PSEN1: variants seen among roughly 807,000 people sequenced by gnomAD.
PSEN1 encodes the protein presenilin-1.
PSEN1 carries 15 observed loss-of-function variants against 53.5 expected under a neutral mutation model. The observed-to-expected ratio is 0.28, with a 90% CI of 0.19 to 0.43. The LOEUF (loss-of-function observed/expected upper bound fraction) is 0.43, where lower values mean the gene tolerates loss of function less well. Among genes scored for constraint, PSEN1 ranks in the 20% least tolerant of loss-of-function variants. PSEN1 has a pLI of 1.00. For missense variants in PSEN1, 387 were observed against 571.2 expected (o/e 0.68, Z 3.29); for synonymous variants, 208 against 209.8 (o/e 0.99, Z 0.08).
intron 3 of PSEN1, among the ~76,000 whole-genome samples, chr14:73,158,186 A>G (rs1317254769): frequency 6.6e-6 from 1 of 152,052 alleles, no homozygotes; most frequent in Non-Finnish European, 1.5e-5. Context: ...TCATGTACAG[A>G]TCTTTCTTTG....
At chr14:73,159,191 T>C (rs1427548016) in intron 3 of PSEN1, among the ~76,000 whole-genome samples, 1 of 151,962 alleles carries the variant, frequency 6.6e-6, no homozygotes, top group Non-Finnish European at 1.5e-5. Flanking sequence ...TTTTTTTTTT[T>C]TTTTTAAAGA....
intron 3 of PSEN1, among the ~76,000 whole-genome samples, chr14:73,157,005 GTCA>G (rs1329041223): frequency 6.6e-6 from 1 of 151,740 alleles, no homozygotes; most frequent in Non-Finnish European, 1.5e-5. Context: ...GCATGCTTAA[GTCA>G]TCATTCTCAT....
rs1595003266 is a variant in PSEN1, at chr14:73,173,985, A to G, written c.480+278A>G. On this transcript the variant is annotated intron_variant, in intron 5 of 11. Coordinates refer to ENST00000324501, the MANE Select transcript of PSEN1 (RefSeq NM_000021.4). The stretch of plus-strand genomic sequence containing the variant: ...GGCAACGTAGCAAGACCCTGCCTCT[A>G]TTAAAGAAAACAAAAAACAAATATT... 1.2e-5 allele frequency: 7 copies of G among 574,840 alleles called. 1 individual carries two copies. Among genetic ancestry groups the G allele is most frequent in the Non-Finnish European group, 6.2e-6 (2 of 324,806 alleles). 35.6% of individuals were successfully genotyped at this position (574,840 alleles called of 1,614,324 possible).
chr14:73,201,834 C>T (rs1337377760), intron 8 of PSEN1, among the ~76,000 whole-genome samples: 1 of 151,868 alleles, frequency 6.6e-6, no homozygotes, highest in Non-Finnish European at 1.5e-5. Context: ...GCAACCCCCG[C>T]CTCCCAAGTT....
At chr14:73,149,629 C>T (rs912319215) in intron 3 of PSEN1, among the ~76,000 whole-genome samples, 1 of 152,046 alleles carries the variant, frequency 6.6e-6, no homozygotes, top group Non-Finnish European at 1.5e-5. Flanking sequence ...GGGCAGTTGT[C>T]CAGGTTTGTT....
chr14:73,203,427 T>C (rs541594136), intron 8 of PSEN1, among the ~76,000 whole-genome samples: 14 of 152,282 alleles, frequency 9.2e-5, no homozygotes, highest in Admixed American at 5.9e-4. Context: ...AATTTTTTCT[T>C]ACATTTTTCT....
In PSEN1 at chr14:73,196,553, A is replaced by C. The variant is rs562411635; in HGVS notation, c.770-1478A>C. 2.9e-5 allele frequency among the ~76,000 whole-genome samples: 4 copies of C among 137,070 alleles called. No individual in the cohort carries two copies. In the South Asian group the frequency reaches 9.0e-4, roughly 31 times the overall value. The allele number at this position is 137,070 out of a possible 152,430, so 89.9% of individuals were successfully genotyped here. Reference sequence around the variant, plus strand: ...CAGTGGCGCCATCTTGGCTCACTGCAGCCTCCACCTCCAGGGCTCAAGCAA... The same window carrying C: ...CAGTGGCGCCATCTTGGCTCACTGCCGCCTCCACCTCCAGGGCTCAAGCAA... On this transcript the variant is annotated intron_variant, in intron 7 of 11. Transcript: ENST00000324501.
At chr14:73,186,024 A>G (rs776680562) in intron 5 of PSEN1, among the ~76,000 whole-genome samples, 3 of 152,208 alleles carry the variant, frequency 2.0e-5, no homozygotes, top group Non-Finnish European at 2.9e-5. Flanking sequence ...TTGTAACAAA[A>G]TGTTGGAAAA....
In PSEN1 at chr14:73,219,469, C is replaced by T. The variant is rs1211223300; in HGVS notation, c.*180C>T. ...ACTATTGGACTTTGGAAGGAGGTGC[C>T]TATAGAAAACGATTTTGAACATACT... On this transcript the variant is annotated 3_prime_UTR_variant, in exon 12 of 12. Transcript: ENST00000324501. The T allele has an allele frequency of 1.5e-6, 1 of 681,910 alleles. No homozygotes were observed. Among genetic ancestry groups the T allele is most frequent in the African/African-American group, 1.8e-5 (1 of 55,884 alleles). 42.2% of individuals were successfully genotyped at this position (681,910 alleles called of 1,614,324 possible). A position where few individuals can be genotyped will look rare whatever the true frequency, so the allele number is the denominator to read the frequency against.
chr14:73,154,407 G>T (rs577444348), intron 3 of PSEN1, among the ~76,000 whole-genome samples: 2 of 150,384 alleles, frequency 1.3e-5, no homozygotes, highest in African/African-American at 4.9e-5. Flanking sequence ...AGACTAGCTT[G>T]GGTAACATAG....
intron 7 of PSEN1, among the ~76,000 whole-genome samples, chr14:73,195,502 A>T (rs1429813062): frequency 6.6e-6 from 1 of 152,170 alleles, no homozygotes; most frequent in East Asian, 1.9e-4. Flanking sequence ...ATTTGACCAC[A>T]CAAGTTACTC....
At chr14:73,150,946 T>A (rs1273215864) in intron 3 of PSEN1, among the ~76,000 whole-genome samples, 1 of 151,022 alleles carries the variant, frequency 6.6e-6, no homozygotes, top group African/African-American at 2.4e-5. Flanking sequence ...CACGCGCCTG[T>A]AGTCCCAGCT....
At chr14:73,216,721 T>C (rs920163576) in intron 10 of PSEN1, among the ~76,000 whole-genome samples, 1 of 151,614 alleles carries the variant, frequency 6.6e-6, no homozygotes, top group Non-Finnish European at 1.5e-5. Context: ...ATCATGCTGC[T>C]GTACTCCAGC....
chr14:73,149,322 T>G (rs1220851651), intron 3 of PSEN1, among the ~76,000 whole-genome samples: 4 of 144,076 alleles, frequency 2.8e-5, no homozygotes, highest in Middle Eastern at 3.7e-3. Flanking sequence ...AGGTTCTGTG[T>G]TTTTTTTTTT....
At chr14:73,165,472 G>A (rs1465158205) in intron 3 of PSEN1, among the ~76,000 whole-genome samples, 3 of 151,986 alleles carry the variant, frequency 2.0e-5, no homozygotes, top group Admixed American at 6.6e-5. Context: ...TGGGCTGGGC[G>A]CAGTGGCTCA....
At chr14:73,170,001 T>C (rs1398463966) in intron 3 of PSEN1, among the ~76,000 whole-genome samples, 2 of 152,166 alleles carry the variant, frequency 1.3e-5, no homozygotes, top group African/African-American at 4.8e-5. Context: ...AGGTGGGCAA[T>C]TCCCGGAACT....
chr14:73,195,820 G>C (rs1330553232), intron 7 of PSEN1, among the ~76,000 whole-genome samples: 1 of 152,072 alleles, frequency 6.6e-6, no homozygotes, highest in African/African-American at 2.4e-5. Context: ...CCAGCCCAGT[G>C]TTATATTTTT....
intron 10 of PSEN1, among the ~76,000 whole-genome samples, chr14:73,216,730 G>A (rs1899930647): frequency 6.6e-6 from 1 of 151,176 alleles, no homozygotes; most frequent in African/African-American, 2.4e-5. Flanking sequence ...CTGTACTCCA[G>A]CCTGGGCCAC....
intron 1 of PSEN1, among the ~76,000 whole-genome samples, chr14:73,140,490 C>T (rs1027467462): frequency 4.6e-5 from 7 of 151,814 alleles, no homozygotes; most frequent in Non-Finnish European, 8.8e-5. Context: ...ATTACAGGTG[C>T]GAGCCACTGC....
Sources: allele counts gnomAD v4.1 joint callset (sites outside exome capture counted in the v4.1 genomes callset), GRCh38; gene constraint gnomAD v4.1.1; transcripts MANE v1.5; gene names NCBI Gene and HGNC (gene_info 2026-07-23, HGNC 2026-07-21).